The following SETBP1 variants were observed in gnomAD, a reference collection of about 807,000 sequenced individuals.
The protein encoded by SETBP1 is SET-binding protein.
A neutral mutation model predicts 101.0 loss-of-function variants in SETBP1; 9 were observed. The ratio of observed to expected loss-of-function variants is 0.09; its 90% CI spans 0.05 to 0.16. SETBP1 has a LOEUF of 0.16. SETBP1 is among the 10% of genes least tolerant of loss of function. SETBP1 has a pLI of 1.00. For synonymous variants in SETBP1, 818 were observed against 788.5 expected (o/e 1.04, Z -0.63); for missense variants, 1,858 against 2,033.8 (o/e 0.91, Z 1.66).
chr18:44,793,136 C>T (rs893292951), intron 2 of SETBP1, among the ~76,000 whole-genome samples: 3 of 152,170 alleles, frequency 2.0e-5, no homozygotes, highest in African/African-American at 7.2e-5. Flanking sequence ...AATCTAGGGT[C>T]TCCAAATTAT....
chr18:44,874,208 C>A (rs1040634351), intron 3 of SETBP1, among the ~76,000 whole-genome samples: 1 of 152,114 alleles, frequency 6.6e-6, no homozygotes, highest in South Asian at 2.1e-4. Flanking sequence ...AATCACAATG[C>A]CATTATCACA....
intron 3 of SETBP1, chr18:44,877,115 T>A (rs912321451): frequency 3.4e-5 from 34 of 1,007,146 alleles, no homozygotes; most frequent in Non-Finnish European, 4.0e-5. Flanking sequence ...ATCTTTGCTC[T>A]CTTACCCCAT....
At chr18:44,850,685 A>G (rs1257918058) in intron 2 of SETBP1, among the ~76,000 whole-genome samples, 3 of 151,434 alleles carry the variant, frequency 2.0e-5, no homozygotes, top group Admixed American at 2.0e-4. Flanking sequence ...ATGGCTTCTT[A>G]TATCAGGAAT....
intron 2 of SETBP1, among the ~76,000 whole-genome samples, chr18:44,744,720 C>T (rs1378591496): frequency 2.0e-5 from 3 of 151,308 alleles, no homozygotes; most frequent in Admixed American, 2.0e-4. Flanking sequence ...ACAGCCACCA[C>T]GCGCGCCGGA....
intron 2 of SETBP1, among the ~76,000 whole-genome samples, chr18:44,706,446 C>T (rs1168368823): frequency 6.6e-6 from 1 of 151,330 alleles, no homozygotes; most frequent in African/African-American, 2.4e-5. Flanking sequence ...ATTAGCCAGG[C>T]ATGGGGTGGT....
At chr18:44,787,087 A>G (rs1555681081) in intron 2 of SETBP1, among the ~76,000 whole-genome samples, 1 of 152,218 alleles carries the variant, frequency 6.6e-6, no homozygotes, top group South Asian at 2.1e-4. Flanking sequence ...GTGTAGTAAC[A>G]TAGAAGGGAC....
At chr18:45,009,048 A>T (rs921274350) in intron 4 of SETBP1, among the ~76,000 whole-genome samples, 2 of 152,142 alleles carry the variant, frequency 1.3e-5, no homozygotes, top group Non-Finnish European at 2.9e-5. Flanking sequence ...TGGTGGCAAC[A>T]TGACTTGTAA....
intron 2 of SETBP1, among the ~76,000 whole-genome samples, chr18:44,826,258 A>T (rs2072234834): frequency 6.6e-6 from 1 of 152,112 alleles, no homozygotes; most frequent in Non-Finnish European, 1.5e-5. Context: ...GAGGTATGGA[A>T]AGACCCTCTT....
At chr18:44,757,473 G>C (rs571965579) in intron 2 of SETBP1, among the ~76,000 whole-genome samples, 1 of 152,184 alleles carries the variant, frequency 6.6e-6, no homozygotes, top group East Asian at 1.9e-4. Context: ...ATGAACACAC[G>C]CATACACTTA....
chr18:44,757,796 G>A (rs971820467), intron 2 of SETBP1, among the ~76,000 whole-genome samples: 5 of 152,010 alleles, frequency 3.3e-5, no homozygotes, highest in African/African-American at 4.8e-5. Context: ...CTGTTTGAAA[G>A]TATTATAGGA....
intron 2 of SETBP1, among the ~76,000 whole-genome samples, chr18:44,759,471 T>A (rs191072949): frequency 2.0e-5 from 3 of 152,162 alleles, no homozygotes; most frequent in Non-Finnish European, 4.4e-5. Flanking sequence ...TTCATTTGCT[T>A]CATTTCTCCT....
intron 2 of SETBP1, among the ~76,000 whole-genome samples, chr18:44,839,734 G>A (rs1398431661): frequency 6.6e-6 from 1 of 152,196 alleles, no homozygotes; most frequent in Non-Finnish European, 1.5e-5. Context: ...GATGGGATAA[G>A]CATTCTCCTT....
At chr18:44,690,190 A>G (rs1031845299) in intron 1 of SETBP1, among the ~76,000 whole-genome samples, 3 of 152,222 alleles carry the variant, frequency 2.0e-5, no homozygotes, top group South Asian at 4.1e-4. Context: ...TTAATGTATA[A>G]TTGGAGAAGG....
chr18:44,828,060 AC>A (rs1475959269), intron 2 of SETBP1, among the ~76,000 whole-genome samples: 1 of 152,210 alleles, frequency 6.6e-6, no homozygotes, highest in African/African-American at 2.4e-5. Context: ...TTATACATTC[AC>A]ATAAATGTAT....
At chr18:44,990,978 T>C (rs1403635041) in intron 4 of SETBP1, among the ~76,000 whole-genome samples, 2 of 134,226 alleles carry the variant, frequency 1.5e-5, no homozygotes, top group Admixed American at 7.6e-5. Flanking sequence ...GGGATGGGAG[T>C]GGTGGCTCAC....
chr18:44,879,165 A>T, intron 3 of SETBP1, among the ~76,000 whole-genome samples: 1 of 152,232 alleles, frequency 6.6e-6, no homozygotes, highest in Non-Finnish European at 1.5e-5. Context: ...GTAAAAATTG[A>T]TGCTTGTTTA....
chr18:44,744,382 T>C lies in SETBP1; in HGVS notation c.486+42550T>C, dbSNP rs527742021. On this transcript the variant is annotated intron_variant, in intron 2 of 5. Transcript: ENST00000649279. ...TAGGCAGCAGAATGGGGCAGATGAG[T>C]ACCCTGAGGGGCCCTGCCTGGGAAC... Among the ~76,000 whole-genome samples the C allele has an allele frequency of 3.3e-5, 5 of 152,302 alleles. No individual in the cohort carries two copies. In the East Asian group the frequency reaches 9.6e-4, roughly 29 times the overall value.
chr18:45,034,699 C>T (rs1305510131), intron 4 of SETBP1, among the ~76,000 whole-genome samples: 1 of 152,164 alleles, frequency 6.6e-6, no homozygotes, highest in African/African-American at 2.4e-5. Context: ...AACTTACTGG[C>T]CTCCAAATAG....
At chr18:44,856,117 G>A (rs1435867311) in intron 2 of SETBP1, among the ~76,000 whole-genome samples, 1 of 149,588 alleles carries the variant, frequency 6.7e-6, no homozygotes, top group Admixed American at 6.6e-5. Flanking sequence ...GGAAGATCAT[G>A]AAGGTTAAAA....
Sources: allele counts gnomAD v4.1 joint callset (sites outside exome capture counted in the v4.1 genomes callset), GRCh38; gene constraint gnomAD v4.1.1; transcripts MANE v1.5; gene names NCBI Gene and HGNC (gene_info 2026-07-23, HGNC 2026-07-21).